SEMA6B: variants seen among roughly 807,000 people sequenced by gnomAD.
SEMA6B encodes semaphorin 6B, also known as semaphorin-6B.
In SEMA6B, 47 loss-of-function variants were observed where a neutral mutation model predicts 78.6. The observed-to-expected ratio is 0.60, with a 90% confidence interval of 0.47 to 0.76. SEMA6B has a LOEUF of 0.76. Among genes scored for constraint, SEMA6B ranks in the 30% least tolerant of loss-of-function variants. The pLI is 0.00. For missense variants in SEMA6B, 1,213 were observed against 1,269.9 expected, an observed-to-expected ratio of 0.96 and a Z score of 0.68; for synonymous variants, 632 against 592.2, an observed-to-expected ratio of 1.07 and a Z score of -0.98.
In SEMA6B at chr19:4,544,434, C is replaced by A. The variant is rs1279041694; in HGVS notation, c.1834G>T (p.Val612Leu). The change falls in exon 17 of 17, where the codon GTG (valine) becomes TTG (leucine). Residue 612 changes from valine to leucine, a missense_variant. Physicochemically the swap from Val to Leu is conservative, Grantham distance 32. Coordinates refer to ENST00000586582, the MANE Select transcript of SEMA6B (RefSeq NM_032108.4). This position sits in a 1 kb window ranked among gnomAD's most constrained non-coding sequence, Gnocchi z 5.1. ...CAGCCCACGCTGAAGCCGGACACCA[C>A]GGCTCCCACCACGAAGGCCGCCACC... Reference protein sequence around the residue: ...SSVAAFVVGAVVSGFSVGWFV... With the variant: ...SSVAAFVVGALVSGFSVGWFV... The A allele has an allele frequency of 1.9e-6, 3 of 1,601,886 alleles. No individual in the cohort carries two copies. The highest frequency in any genetic ancestry group is 2.7e-5 in the African/African-American group (2 of 73,178).
At chr19:4,556,926 CG>C (rs776455772) in intron 5 of SEMA6B, 24 bp downstream of exon 5, 14 of 1,606,432 alleles carry the variant, frequency 8.7e-6, no homozygotes, top group African/African-American at 8.0e-5. Flanking sequence ...TCGCAGGGGC[CG>C]GGACCGAGCC....
chr19:4,555,631 GC>G lies in SEMA6B; in HGVS notation c.472-68del. On this transcript the variant is annotated intron_variant, in intron 6 of 16. Coordinates refer to ENST00000586582, the MANE Select transcript of SEMA6B (RefSeq NM_032108.4). The surrounding 1 kb of genome is among the most constrained non-coding windows in gnomAD (Gnocchi z 6.1). ...CACCTAGCAGCCCCTGGCTCCCTCAGCCCCCCACTCCAGGGGGAATCCTGAT... is the reference window on the plus strand; with the variant it reads ...CACCTAGCAGCCCCTGGCTCCCTCAGCCCCCACTCCAGGGGGAATCCTGAT... The G allele has an allele frequency of 7.7e-7, 1 of 1,302,774 alleles. No homozygotes were observed. The allele number at this position is 1,302,774 out of a possible 1,614,324, so 80.7% of individuals were successfully genotyped here. A position where few individuals can be genotyped will look rare whatever the true frequency, so the allele number is the denominator to read the frequency against.
chr19:4,544,084 G>C lies in SEMA6B; in HGVS notation c.2184C>G (p.His728Gln). ...GGTCCCAGGCGCGGGGGCCCAGGGCGTGGGGGTGCGGGTGCGGAGTGGGCA... is the reference window on the plus strand; with the variant it reads ...GGTCCCAGGCGCGGGGGCCCAGGGCCTGGGGGTGCGGGTGCGGAGTGGGCA... The part of the protein sequence containing the change: ...KRLPTPHPHP[H>Q]ALGPRAWDHG... The change falls in exon 17 of 17, where the codon CAC becomes CAG. Residue 728 changes from histidine (H) to glutamine (Q), a missense_variant. By Grantham distance (24) the His-to-Gln change is conservative (BLOSUM62 0). Transcript: ENST00000586582. This position sits in a 1 kb window ranked among gnomAD's most constrained non-coding sequence, Gnocchi z 5.1. 6 of 1,252,794 alleles carry C rather than the reference G, an allele frequency of 4.8e-6. No homozygotes were observed. Among genetic ancestry groups the C allele is most frequent in the Non-Finnish European group, 6.0e-6 (6 of 999,396 alleles). The allele number at this position is 1,252,794 out of a possible 1,614,324, so 77.6% of individuals were successfully genotyped here. A position where few individuals can be genotyped will look rare whatever the true frequency, so the allele number is the denominator to read the frequency against.
Position 4,544,240 on chromosome 19 carries a change from G to C in SEMA6B, c.2028C>G (p.Pro676=), listed in dbSNP as rs1977103328. Residue 676 remains proline (P), a synonymous_variant, in exon 17 of 17, where the codon CCC becomes CCG. Transcript: ENST00000586582. This position sits in a 1 kb window ranked among gnomAD's most constrained non-coding sequence, Gnocchi z 5.1. ...GGGGGGGAGV[P]PEALLAPLMQ... ...TCAGGGGCGCCAGCAGGGCCTCCGG[G>C]GGAACCCCGGCGCCACCGCCACCGC... is the stretch of plus-strand genomic sequence containing the variant. The C allele has an allele frequency of 3.1e-6, 4 of 1,277,416 alleles. No individual in the cohort carries two copies. In the South Asian group the frequency reaches 1.0e-4, roughly 32 times the overall value. The allele number at this position is 1,277,416 out of a possible 1,614,324, so 79.1% of individuals were successfully genotyped here.
Position 4,558,256 on chromosome 19 carries a change from C to A in SEMA6B, c.121+81G>T. On this transcript the variant is annotated intron_variant, in intron 2 of 16. Coordinates refer to ENST00000586582, the MANE Select transcript of SEMA6B (RefSeq NM_032108.4). The surrounding 1 kb of genome is among the most constrained non-coding windows in gnomAD (Gnocchi z 5.1). ...TGGCTCCTGGACTGCTTGAGTCCCC[C>A]AGTGGGGGCAGCAGACCCAACTGGG... 1 of 1,301,636 alleles carries A rather than the reference C, an allele frequency of 7.7e-7. No individual in the cohort carries two copies. The highest frequency in any genetic ancestry group is 9.9e-7 in the Non-Finnish European group (1 of 1,014,518). 80.6% of individuals were successfully genotyped at this position (1,301,636 alleles called of 1,614,324 possible).
In SEMA6B at chr19:4,550,320, A is replaced by T. The variant is rs749335485; in HGVS notation, c.1122-48T>A. 1 of 1,602,074 alleles carries T rather than the reference A, an allele frequency of 6.2e-7. No homozygotes were observed. Among genetic ancestry groups the T allele is most frequent in the South Asian group, 1.1e-5 (1 of 90,812 alleles). On this transcript the variant is annotated intron_variant, in intron 11 of 16. Coordinates refer to ENST00000586582, the MANE Select transcript of SEMA6B (RefSeq NM_032108.4). This position sits in a 1 kb window ranked among gnomAD's most constrained non-coding sequence, Gnocchi z 6.6. ...CAGGACGAACGTAAAGGTTCTCATAAAGGGGCCTGATTCACCAGAGGTACC... is the reference window on the plus strand; with the variant it reads ...CAGGACGAACGTAAAGGTTCTCATATAGGGGCCTGATTCACCAGAGGTACC...
chr19:4,543,802 G>T lies in SEMA6B; in HGVS notation c.2466C>A (p.Ser822Arg), dbSNP rs983846661. 1 of 1,219,016 alleles carries T rather than the reference G, an allele frequency of 8.2e-7. No individual in the cohort carries two copies. The highest frequency in any genetic ancestry group is 1.6e-5 in the African/African-American group (1 of 63,676). The allele number at this position is 1,219,016 out of a possible 1,614,324, so 75.5% of individuals were successfully genotyped here. The change falls in exon 17 of 17, where the codon AGC becomes AGA. Residue 822 changes from serine (S) to arginine (R), a missense_variant. Ser to Arg is a moderately radical substitution (Grantham distance 110, BLOSUM62 -1). Transcript: ENST00000586582. ...SAADGLPRPWSPPPTGSLRRP... is the reference protein window; with the variant it reads ...SAADGLPRPWRPPPTGSLRRP... ...TCCTCAGGCTGCCCGTCGGGGGCGG[G>T]CTCCAGGGCCGCGGGAGGCCATCGG...
At chr19:4,547,906 T>C (rs1369345307) in intron 14 of SEMA6B, 121 bp downstream of exon 14, 10 of 1,292,458 alleles carry the variant, frequency 7.7e-6, no homozygotes, top group Non-Finnish European at 9.2e-6. Flanking sequence ...GCACGGGCCA[T>C]GCCCTCTGCC....
At position 4,550,708 on chromosome 19, in the gene SEMA6B, C is replaced by T. The variant is rs1977306058; in HGVS notation, c.1121+91G>A. ...TAACGGGTACAGCTGAACTCAGCAT[C>T]AGCTAAATAACCACCCGGAAGCCCC... On this transcript the variant is annotated intron_variant, in intron 11 of 16. Coordinates refer to ENST00000586582, the MANE Select transcript of SEMA6B (RefSeq NM_032108.4). This position sits in a 1 kb window ranked among gnomAD's most constrained non-coding sequence, Gnocchi z 6.6. 3 of 1,481,282 alleles carry T rather than the reference C, an allele frequency of 2.0e-6. No homozygotes were observed. Among genetic ancestry groups the T allele is most frequent in the Admixed American group, 3.8e-5 (2 of 53,246 alleles). 91.8% of individuals were successfully genotyped at this position (1,481,282 alleles called of 1,614,324 possible).
chr19:4,555,693 T>G lies in SEMA6B; in HGVS notation c.472-129A>C. The G allele has an allele frequency of 1.3e-6, 1 of 779,972 alleles. No individual in the cohort carries two copies. The highest frequency in any genetic ancestry group is 2.1e-6 in the Non-Finnish European group (1 of 470,734). 48.3% of individuals were successfully genotyped at this position (779,972 alleles called of 1,614,324 possible). ...TTACTGTGTGACCTTGGCCACTCACTTAACCTCTCAGGGCCTCAGTTTACT... is the reference window on the plus strand; with the variant it reads ...TTACTGTGTGACCTTGGCCACTCACGTAACCTCTCAGGGCCTCAGTTTACT... On this transcript the variant is annotated intron_variant, in intron 6 of 16. Coordinates refer to ENST00000586582, the MANE Select transcript of SEMA6B (RefSeq NM_032108.4). This position sits in a 1 kb window ranked among gnomAD's most constrained non-coding sequence, Gnocchi z 6.1.
In SEMA6B at chr19:4,558,163, T is replaced by A; in HGVS notation, c.122-14A>T. 1 of 1,431,236 alleles carries A rather than the reference T, an allele frequency of 7.0e-7. No individual in the cohort carries two copies. Among genetic ancestry groups the A allele is most frequent in the Middle Eastern group, 1.9e-4 (1 of 5,306 alleles). 88.7% of individuals were successfully genotyped at this position (1,431,236 alleles called of 1,614,324 possible). ...AGTGGTTCAGGTCTGAGTGAGGGGG[T>A]GGAGAGGGGTGTGAGCAAGGGCTGG... is the stretch of plus-strand genomic sequence containing the variant. On this transcript the variant is annotated splice_polypyrimidine_tract_variant and intron_variant, in intron 2 of 16. Coordinates refer to ENST00000586582, the MANE Select transcript of SEMA6B (RefSeq NM_032108.4). The surrounding 1 kb of genome is among the most constrained non-coding windows in gnomAD (Gnocchi z 5.1).
Position 4,555,936 on chromosome 19 carries a change from C to G in SEMA6B, c.471+52G>C. The G allele has an allele frequency of 1.4e-6, 2 of 1,433,558 alleles. No homozygotes were observed. The highest frequency in any genetic ancestry group is 2.3e-5 in the South Asian group (2 of 87,508). 88.8% of individuals were successfully genotyped at this position (1,433,558 alleles called of 1,614,324 possible). A position where few individuals can be genotyped will look rare whatever the true frequency, so the allele number is the denominator to read the frequency against. On this transcript the variant is annotated intron_variant, in intron 6 of 16. Coordinates refer to ENST00000586582, the MANE Select transcript of SEMA6B (RefSeq NM_032108.4). This position sits in a 1 kb window ranked among gnomAD's most constrained non-coding sequence, Gnocchi z 6.1. ...AAAGCCATGGCCAGCGGAGGTCGGG[C>G]GAGCAGAGGCCTGGAGGTTGGACCT...
chr19:4,553,518 A>AGGTG (rs2145355501), intron 9 of SEMA6B, among the ~76,000 whole-genome samples: 1 of 136,540 alleles, frequency 7.3e-6, no homozygotes, highest in Admixed American at 7.4e-5. Flanking sequence ...ATGGGCAGAT[A>AGGTG]AATGGATGGA....
rs1254803164 is a variant in SEMA6B, at chr19:4,549,718, TCCGC to T, written c.1271+401_1271+404del. Among the ~76,000 whole-genome samples the T allele has an allele frequency of 3.6e-4, 55 of 152,334 alleles. 1 individual carries two copies. The highest frequency in any genetic ancestry group is 6.8e-3 in the Middle Eastern group (2 of 294). On this transcript the variant is annotated intron_variant, in intron 12 of 16. Coordinates refer to ENST00000586582, the MANE Select transcript of SEMA6B (RefSeq NM_032108.4). ...TGGTCTCCATCTCCTGGCCTCGTGA[TCCGC>T]CTGCCTCGGCCTCCCAAAGTGCTGG...
chr19:4,546,310 C>G lies in SEMA6B; in HGVS notation c.1680-36G>C, dbSNP rs146559751. ...GAGGAGGCACCGTCAGCAGAGGCCC[C>G]TCTCACAGTCAGAGATCAGGGGGAT... is the stretch of plus-strand genomic sequence containing the variant. On this transcript the variant is annotated intron_variant, in intron 15 of 16. Transcript: ENST00000586582. The G allele has an allele frequency of 1.2e-3, 1,988 of 1,610,132 alleles. 24 individuals are homozygous for G. The African/African-American group carries it at 0.024, about 19-fold the overall frequency.
In SEMA6B at chr19:4,542,603, C is replaced by T. The variant is rs886337046; in HGVS notation, c.*998G>A. 4.2e-6 allele frequency: 2 copies of T among 476,482 alleles called. No homozygotes were observed. The highest frequency in any genetic ancestry group is 7.8e-6 in the Non-Finnish European group (2 of 256,472). 29.5% of individuals were successfully genotyped at this position (476,482 alleles called of 1,614,324 possible). A position where few individuals can be genotyped will look rare whatever the true frequency, so the allele number is the denominator to read the frequency against. On this transcript the variant is annotated 3_prime_UTR_variant, in exon 17 of 17. Transcript: ENST00000586582. ...AGTCATGGGGGCCGGTGGTTGTAAA[C>T]AGAGTTTTATTGATGGGGAGGGGGC...
chr19:4,546,749 C>G (rs956905000), intron 14 of SEMA6B, among the ~76,000 whole-genome samples: 2 of 150,944 alleles, frequency 1.3e-5, no homozygotes, highest in Non-Finnish European at 3.0e-5. Context: ...CTCAGCCCCC[C>G]GAGTAGCTGG....
chr19:4,552,331 G>T lies in SEMA6B; in HGVS notation c.989+91C>A. On this transcript the variant is annotated intron_variant, in intron 10 of 16. Transcript: ENST00000586582. The surrounding 1 kb of genome is among the most constrained non-coding windows in gnomAD (Gnocchi z 7.4). ...GTCTAATCCAGTGGTGCCCAACCTA[G>T]CACCCAGGGCATACCTGAGGAGTGA... 1 of 1,292,792 alleles carries T rather than the reference G, an allele frequency of 7.7e-7. No homozygotes were observed. 80.1% of individuals were successfully genotyped at this position (1,292,792 alleles called of 1,614,324 possible). A position where few individuals can be genotyped will look rare whatever the true frequency, so the allele number is the denominator to read the frequency against.
At chr19:4,547,742 G>A (rs1048279927) in intron 14 of SEMA6B, among the ~76,000 whole-genome samples, 13 of 152,094 alleles carry the variant, frequency 8.5e-5, no homozygotes, top group Non-Finnish European at 1.2e-4. Context: ...CCTCCCCGAG[G>A]CTCACAAAGC....
Sources: allele counts gnomAD v4.1 joint callset (sites outside exome capture counted in the v4.1 genomes callset), GRCh38; gene constraint gnomAD v4.1.1; non-coding constraint Gnocchi (gnomAD v3.1); transcripts MANE v1.5; gene names NCBI Gene and HGNC (gene_info 2026-07-23, HGNC 2026-07-21).